The following TIMP2 variants were observed in gnomAD, a reference collection of about 807,000 sequenced individuals.
The protein encoded by TIMP2 is metalloproteinase inhibitor 2.
In TIMP2, 5 loss-of-function variants were observed where a neutral mutation model predicts 24.3. That is an observed-to-expected ratio of 0.21 (90% confidence interval 0.11 to 0.43). TIMP2 has a LOEUF of 0.43. Among genes scored for constraint, TIMP2 ranks in the 20% least tolerant of loss-of-function variants. The pLI, the probability that TIMP2 is intolerant of heterozygous loss-of-function variation, is 1.00. For missense variants in TIMP2, 221 were observed against 297.5 expected (o/e 0.74, Z 1.89); for synonymous variants, 130 against 123.2 (o/e 1.06, Z -0.37).
chr17:78,891,649 T>G lies in TIMP2; in HGVS notation c.131-17730A>C. The G allele has an allele frequency of 6.4e-7, 1 of 1,551,012 alleles. No individual in the cohort carries two copies. Among genetic ancestry groups the G allele is most frequent in the Non-Finnish European group, 8.7e-7 (1 of 1,147,096 alleles). Reference sequence around the variant, plus strand: ...TGGTCAGGGCTGGAACAAAGCAAACTGCCCCCTTTCCCAGTTGCCTCCTCC... The same window carrying G: ...TGGTCAGGGCTGGAACAAAGCAAACGGCCCCCTTTCCCAGTTGCCTCCTCC... On this transcript the variant is annotated intron_variant, in intron 1 of 4. Coordinates refer to ENST00000262768, the MANE Select transcript of TIMP2 (RefSeq NM_003255.5). This position sits in a 1 kb window ranked among gnomAD's most constrained non-coding sequence, Gnocchi z 4.5.
intron 1 of TIMP2, among the ~76,000 whole-genome samples, chr17:78,916,075 G>A (rs1190278917): frequency 2.0e-5 from 3 of 152,098 alleles, no homozygotes; most frequent in Non-Finnish European, 2.9e-5. Context: ...CCCTCAGGGC[G>A]GGGTGGGGAG....
Position 78,925,376 on chromosome 17 carries a change from G to C in TIMP2, c.-288C>G, listed in dbSNP as rs1383584082. The C allele has an allele frequency of 6.6e-6, 1 of 152,326 alleles. No individual in the cohort carries two copies. The highest frequency in any genetic ancestry group is 1.5e-5 in the Non-Finnish European group (1 of 67,738). 9.4% of individuals were successfully genotyped at this position (152,326 alleles called of 1,614,324 possible). A position where few individuals can be genotyped will look rare whatever the true frequency, so the allele number is the denominator to read the frequency against. On this transcript the variant is annotated 5_prime_UTR_variant, in exon 1 of 5. The change creates a new upstream start codon in the 5' untranslated region. Coordinates refer to ENST00000262768, the MANE Select transcript of TIMP2 (RefSeq NM_003255.5). Reference sequence around the variant, plus strand: ...CTCGGCGGCCGCGCTGCCTTCTACGGATGTGTTTGCTGCGGGCTTGGGCCG... The same window carrying C: ...CTCGGCGGCCGCGCTGCCTTCTACGCATGTGTTTGCTGCGGGCTTGGGCCG...
chr17:78,904,110 T>TTTA (rs2070135518), intron 1 of TIMP2: 3 of 151,460 alleles, frequency 2.0e-5, no homozygotes, highest in African/African-American at 7.3e-5. Flanking sequence ...TGTGTGTGTT[T>TTTA]TAGCAGAGAC....
chr17:78,890,710 C>T, intron 1 of TIMP2: 2 of 1,550,624 alleles, frequency 1.3e-6, no homozygotes, highest in South Asian at 1.2e-5. Flanking sequence ...ACCTGTTTTG[C>T]TGTAAGATCT....
intron 1 of TIMP2, among the ~76,000 whole-genome samples, chr17:78,917,216 C>T (rs1310771926): frequency 7.0e-6 from 1 of 142,182 alleles, no homozygotes; most frequent in Non-Finnish European, 1.5e-5. Flanking sequence ...CCCGCCACTG[C>T]ACTCCAGCCT....
In TIMP2 at chr17:78,855,554, C is replaced by G; in HGVS notation, c.*113G>C. The G allele has an allele frequency of 8.3e-7, 1 of 1,210,972 alleles. No individual in the cohort carries two copies. The highest frequency in any genetic ancestry group is 2.5e-5 in the East Asian group (1 of 39,988). 75.0% of individuals were successfully genotyped at this position (1,210,972 alleles called of 1,614,324 possible). ...GAGCAGAATCATATTAATTTGGACC[C>G]ATGGGATGAGTGTTTTATTCATGCT... On this transcript the variant is annotated 3_prime_UTR_variant, in exon 5 of 5. Transcript: ENST00000262768. The surrounding 1 kb of genome is among the most constrained non-coding windows in gnomAD (Gnocchi z 6.0).
chr17:78,911,744 C>G (rs886579630), intron 1 of TIMP2, among the ~76,000 whole-genome samples: 7 of 151,966 alleles, frequency 4.6e-5, no homozygotes, highest in African/African-American at 1.7e-4. Context: ...ATTTGACTCA[C>G]TCATCAAAAA....
At position 78,896,832 on chromosome 17, in the gene TIMP2, T is replaced by A. The variant is rs2070008991; in HGVS notation, c.131-22913A>T. ...TCCTCTCTTGCTCTCTACAGCCCCG[T>A]GGCCCCAGCGCAGGAGCCAGCCCAT... On this transcript the variant is annotated intron_variant, in intron 1 of 4. Transcript: ENST00000262768. This position sits in a 1 kb window ranked among gnomAD's most constrained non-coding sequence, Gnocchi z 4.4. The A allele has an allele frequency of 1.4e-6, 1 of 710,382 alleles. No individual in the cohort carries two copies. The highest frequency in any genetic ancestry group is 1.9e-5 in the African/African-American group (1 of 51,506). The allele number at this position is 710,382 out of a possible 1,614,324, so 44.0% of individuals were successfully genotyped here.
intron 3 of TIMP2, among the ~76,000 whole-genome samples, chr17:78,866,209 G>A (rs1286562481): frequency 6.6e-6 from 1 of 152,172 alleles, no homozygotes; most frequent in African/African-American, 2.4e-5. Context: ...TCTGTTCTGT[G>A]CACAGCTGCA....
chr17:78,887,023 C>T (rs547177550), intron 1 of TIMP2, among the ~76,000 whole-genome samples: 118 of 152,282 alleles, frequency 7.7e-4, no homozygotes, highest in African/African-American at 2.8e-3. Flanking sequence ...TGCCCAGCCT[C>T]GAATTTCCTC....
intron 1 of TIMP2, among the ~76,000 whole-genome samples, chr17:78,905,303 C>T (rs2070148762): frequency 1.3e-5 from 2 of 152,136 alleles, no homozygotes; most frequent in Admixed American, 6.5e-5. Context: ...CCCTGCTGCT[C>T]CAGCTCACAG....
intron 1 of TIMP2, chr17:78,905,098 C>A (rs542488627): frequency 1.3e-5 from 2 of 152,134 alleles, no homozygotes; most frequent in African/African-American, 2.4e-5. Flanking sequence ...CGAAATCGCA[C>A]CACTGAACTC....
At chr17:78,875,271 C>CTG (rs2069719326) in intron 1 of TIMP2, among the ~76,000 whole-genome samples, 1 of 152,102 alleles carries the variant, frequency 6.6e-6, no homozygotes, top group Non-Finnish European at 1.5e-5. Flanking sequence ...GCAGGCACAG[C>CTG]TGGCAGACCC....
At chr17:78,870,233 C>T (rs915854178) in intron 3 of TIMP2, among the ~76,000 whole-genome samples, 16 of 151,884 alleles carry the variant, frequency 1.1e-4, no homozygotes, top group South Asian at 2.1e-4. Flanking sequence ...CTGACCAACA[C>T]GGTAGAACCC....
At chr17:78,870,814 G>C (rs1475335053) in intron 3 of TIMP2, 84 bp downstream of exon 3, 1 of 1,215,312 alleles carries the variant, frequency 8.2e-7, no homozygotes, top group South Asian at 1.4e-5. Flanking sequence ...CACCCCCCGA[G>C]CCTGGGAAAC....
chr17:78,891,509 C>T lies in TIMP2; in HGVS notation c.131-17590G>A, dbSNP rs1195635788. On this transcript the variant is annotated intron_variant, in intron 1 of 4. Coordinates refer to ENST00000262768, the MANE Select transcript of TIMP2 (RefSeq NM_003255.5). This position sits in a 1 kb window ranked among gnomAD's most constrained non-coding sequence, Gnocchi z 4.5. ...CTCTTTCTGCCACTTGTTCTTCTCC[C>T]GGAGCGTGCACTGAGATGCTGGGGA... The T allele has an allele frequency of 6.4e-6, 10 of 1,551,022 alleles. No individual in the cohort carries two copies. The highest frequency in any genetic ancestry group is 3.9e-5 in the Admixed American group (2 of 50,978).
intron 3 of TIMP2, among the ~76,000 whole-genome samples, chr17:78,860,895 G>C (rs2069562195): frequency 6.6e-6 from 1 of 151,998 alleles, no homozygotes; most frequent in Non-Finnish European, 1.5e-5. Context: ...AATTAGCTGG[G>C]GGTGGTGGTG....
chr17:78,918,056 GCACACACAAACACACA>G (rs1180376128), intron 1 of TIMP2, among the ~76,000 whole-genome samples: 1 of 53,212 alleles, frequency 1.9e-5, no homozygotes, highest in African/African-American at 8.2e-5. Context: ...ACGTACGCGT[GCACACACAAACACACA>G]CACACACACA....
rs192684523 is a variant in TIMP2 at position 78,871,066 on chromosome 17, G to A, written c.232-60C>T. On this transcript the variant is annotated intron_variant, in intron 2 of 4. Coordinates refer to ENST00000262768, the MANE Select transcript of TIMP2 (RefSeq NM_003255.5). ...GGAGGCCACACAGTTGGTGAATTCCGTTCCCATCCAGAACACCCTGGGCGG... is the reference window on the plus strand; with the variant it reads ...GGAGGCCACACAGTTGGTGAATTCCATTCCCATCCAGAACACCCTGGGCGG... 633 of 1,441,962 alleles carry A rather than the reference G, an allele frequency of 4.4e-4. 2 individuals are homozygous for A. The highest frequency in any genetic ancestry group is 1.2e-3 in the East Asian group (51 of 42,956). 89.3% of individuals were successfully genotyped at this position (1,441,962 alleles called of 1,614,324 possible).
Sources: gnomAD v4.1 joint callset for allele counts (sites outside exome capture counted in the v4.1 genomes callset) on GRCh38, gnomAD v4.1.1 for gene constraint, Gnocchi (gnomAD v3.1) non-coding constraint, MANE v1.5 for transcripts, NCBI Gene and HGNC (gene_info 2026-07-23, HGNC 2026-07-21) for gene names.